Variants in KCNN2 observed in about 807,000 individuals in gnomAD.
KCNN2 encodes the protein potassium calcium-activated channel subfamily N member 2.
A neutral mutation model predicts 55.5 loss-of-function variants in KCNN2; 24 were observed. The observed-to-expected ratio is 0.43, with a 90% CI of 0.31 to 0.61. The LOEUF (loss-of-function observed/expected upper bound fraction) is 0.61. Among genes scored for constraint, KCNN2 ranks in the 20% least tolerant of loss-of-function variants. The pLI is 0.08. For synonymous variants in KCNN2, 431 were observed against 336.1 expected, an observed-to-expected ratio of 1.28 and a Z score of -3.09; for missense variants, 754 against 853.6, an observed-to-expected ratio of 0.88 and a Z score of 1.45.
At chr5:114,074,293 C>CATGTGTGTGTGTGTGTGT (rs1371308634) in intron 1 of KCNN2, among the ~76,000 whole-genome samples, 1 of 144,510 alleles carries the variant, frequency 6.9e-6, no homozygotes, top group African/African-American at 2.6e-5. Flanking sequence ...GCCATGTTTG[C>CATGTGTGTGTGTGTGTGT]GTGTGTGTGT....
intron 1 of KCNN2, among the ~76,000 whole-genome samples, chr5:114,097,664 A>G (rs1473139111): frequency 6.6e-6 from 1 of 152,138 alleles, no homozygotes; most frequent in African/African-American, 2.4e-5. Context: ...CAGAGGGCAA[A>G]CAAAGCATAT....
chr5:114,252,843 C>G (rs1440961254), intron 2 of KCNN2, among the ~76,000 whole-genome samples: 5 of 151,988 alleles, frequency 3.3e-5, no homozygotes, highest in Non-Finnish European at 7.4e-5. Flanking sequence ...GATGGCCACA[C>G]AAGGAGAGAC....
intron 2 of KCNN2, among the ~76,000 whole-genome samples, chr5:114,335,100 T>C (rs989133243): frequency 2.0e-5 from 3 of 152,186 alleles, no homozygotes; most frequent in Non-Finnish European, 4.4e-5. Context: ...ATTTTTTGTA[T>C]TTTTAGTAGA....
chr5:114,224,891 G>A (rs1754210341), intron 2 of KCNN2, among the ~76,000 whole-genome samples: 1 of 152,082 alleles, frequency 6.6e-6, no homozygotes, highest in African/African-American at 2.4e-5. Flanking sequence ...TGATGGGGTT[G>A]TTTTTTGCTT....
intron 1 of KCNN2, among the ~76,000 whole-genome samples, chr5:114,211,011 A>G (rs937148377): frequency 2.0e-5 from 3 of 152,148 alleles, no homozygotes; most frequent in Non-Finnish European, 4.4e-5. Context: ...AAACAACAAG[A>G]TACCATTTCA....
intron 6 of KCNN2, among the ~76,000 whole-genome samples, chr5:114,487,625 G>T (rs747881074): frequency 6.6e-6 from 1 of 152,042 alleles, no homozygotes; most frequent in Non-Finnish European, 1.5e-5. Flanking sequence ...TTTCCAGTTT[G>T]TGTAGACCTT....
intron 2 of KCNN2, among the ~76,000 whole-genome samples, chr5:114,258,509 C>T (rs1466606687): frequency 6.6e-6 from 1 of 151,888 alleles, no homozygotes; most frequent in African/African-American, 2.4e-5. Flanking sequence ...ATTACTGATT[C>T]AGTCTCACTA....
intron 1 of KCNN2, among the ~76,000 whole-genome samples, chr5:114,178,121 A>G (rs755622616): frequency 9.2e-5 from 14 of 152,242 alleles, no homozygotes; most frequent in Non-Finnish European, 1.6e-4. Flanking sequence ...GAAGATAATA[A>G]AACATGCTGA....
chr5:114,284,285 C>T (rs942025534), intron 2 of KCNN2, among the ~76,000 whole-genome samples: 1 of 152,094 alleles, frequency 6.6e-6, no homozygotes, highest in African/African-American at 2.4e-5. Context: ...TGCAAATCAC[C>T]TAGTATGCCA....
chr5:114,143,618 A>T (rs1752334740), intron 1 of KCNN2, among the ~76,000 whole-genome samples: 1 of 152,126 alleles, frequency 6.6e-6, no homozygotes, highest in Non-Finnish European at 1.5e-5. Context: ...TTTTTCTGTG[A>T]TAGGAATCTT....
chr5:114,460,602 A>G (rs982756149), intron 3 of KCNN2, among the ~76,000 whole-genome samples: 11 of 152,158 alleles, frequency 7.2e-5, no homozygotes, highest in African/African-American at 2.7e-4. Flanking sequence ...TGAAAAAACA[A>G]CTTGAAGATT....
At chr5:114,486,192 C>T (rs1199001636) in intron 5 of KCNN2, among the ~76,000 whole-genome samples, 1 of 152,164 alleles carries the variant, frequency 6.6e-6, no homozygotes, top group Non-Finnish European at 1.5e-5. Flanking sequence ...ATCCTTTTTC[C>T]ATCACTTAAA....
chr5:114,312,061 G>A (rs1756399954), intron 2 of KCNN2, among the ~76,000 whole-genome samples: 1 of 152,048 alleles, frequency 6.6e-6, no homozygotes, highest in Non-Finnish European at 1.5e-5. Context: ...TACCTCTAGT[G>A]AGTGGATAGA....
intron 1 of KCNN2, among the ~76,000 whole-genome samples, chr5:114,071,288 A>G (rs1195769683): frequency 1.3e-5 from 2 of 152,202 alleles, no homozygotes; most frequent in African/African-American, 4.8e-5. Context: ...GAGTAGCAGC[A>G]CCATGGTAGC....
At chr5:114,081,446 A>C (rs1373525152) in intron 1 of KCNN2, among the ~76,000 whole-genome samples, 1 of 152,220 alleles carries the variant, frequency 6.6e-6, no homozygotes, top group East Asian at 1.9e-4. Flanking sequence ...CATACAGACC[A>C]ATGGAATAGA....
chr5:114,482,867 T>C (rs1013194226), intron 5 of KCNN2, among the ~76,000 whole-genome samples: 4 of 152,014 alleles, frequency 2.6e-5, no homozygotes, highest in African/African-American at 9.7e-5. Context: ...CAGCACACAC[T>C]GAAACCTTCT....
At chr5:114,196,352 A>G (rs544084081) in intron 1 of KCNN2, among the ~76,000 whole-genome samples, 16 of 152,120 alleles carry the variant, frequency 1.1e-4, no homozygotes, top group Middle Eastern at 3.4e-3. Context: ...TATCTTTTAT[A>G]TCAGGATAAT....
chr5:114,355,269 A>G (rs1179153652), intron 2 of KCNN2, among the ~76,000 whole-genome samples: 1 of 152,246 alleles, frequency 6.6e-6, no homozygotes, highest in Non-Finnish European at 1.5e-5. Context: ...GTTCATGAAT[A>G]ACACACGGAA....
chr5:114,303,136 A>G (rs567105455), intron 2 of KCNN2, among the ~76,000 whole-genome samples: 2 of 152,378 alleles, frequency 1.3e-5, no homozygotes, highest in South Asian at 2.1e-4. Flanking sequence ...AGCAGGGATA[A>G]ATATACGTCT....
Sources: gnomAD v4.1 joint callset for allele counts (sites outside exome capture counted in the v4.1 genomes callset) on GRCh38, gnomAD v4.1.1 for gene constraint, MANE v1.5 for transcripts, NCBI Gene and HGNC (gene_info 2026-07-23, HGNC 2026-07-21) for gene names.